Variants in EML3 observed in about 807,000 individuals in gnomAD.
EML3 encodes the protein echinoderm microtubule-associated protein-like 3.
In EML3, 53 loss-of-function variants were observed where a neutral mutation model predicts 106.7. The observed-to-expected ratio is 0.50, with a 90% CI of 0.40 to 0.62. EML3 has a LOEUF of 0.62. EML3 is among the 20% of genes least tolerant of loss of function. EML3 has a pLI of 0.00. For missense variants in EML3, 994 were observed against 1,209.1 expected, an observed-to-expected ratio of 0.82 and a Z score of 2.64; for synonymous variants, 499 against 489.6, an observed-to-expected ratio of 1.02 and a Z score of -0.25.
Position 62,602,681 on chromosome 11 carries a change from G to C in EML3, c.2488-3C>G. 1 of 1,597,840 alleles carries C rather than the reference G, an allele frequency of 6.3e-7. No individual in the cohort carries two copies. Among genetic ancestry groups the C allele is most frequent in the Non-Finnish European group, 8.5e-7 (1 of 1,175,044 alleles). ...CCCCCGTACATGCGGCTCGGCGCCT[G>C]GGCCGGAGGGAAGAGTTGCGGTGGC... On this transcript the variant is annotated splice_polypyrimidine_tract_variant and splice_region_variant and intron_variant, in intron 21 of 21. Transcript: ENST00000394773.
At chr11:62,610,321 T>G (rs1565065136) in intron 4 of EML3, among the ~76,000 whole-genome samples, 1 of 152,160 alleles carries the variant, frequency 6.6e-6, no homozygotes, top group African/African-American at 2.4e-5. Context: ...AGAATGAACA[T>G]CCGGGTGTCC....
At position 62,607,055 on chromosome 11, in the gene EML3, C is replaced by T. The variant is rs759882496; in HGVS notation, c.1407G>A (p.Pro469=). 5.6e-6 allele frequency: 9 copies of T among 1,613,982 alleles called. No individual in the cohort carries two copies. Among genetic ancestry groups the T allele is most frequent in the African/African-American group, 4.0e-5 (3 of 74,902 alleles). ...AGTCTCCAGTGAGAATGTCTCCATC[C>T]GGAAGGAACACAAAGCAAGGGATAA... ...PKFIPCFVFL[P]DGDILTGDSE... is the part of the protein sequence containing the mutation. Residue 469 remains proline, a synonymous_variant, in exon 12 of 22, where the codon CCG becomes CCA. Coordinates refer to ENST00000394773, the MANE Select transcript of EML3 (RefSeq NM_153265.3).
chr11:62,603,781 G>A lies in EML3; in HGVS notation c.2205C>T (p.Ser735=). 1 of 1,614,036 alleles carries A rather than the reference G, an allele frequency of 6.2e-7. No individual in the cohort carries two copies. Among genetic ancestry groups the A allele is most frequent in the Non-Finnish European group, 8.5e-7 (1 of 1,180,002 alleles). ...HSSFITHLDW[S]KDGNFIMSNS... ...TGGACATGATGAAATTCCCATCCTT[G>A]GACCAGTCAAGATGAGTGATGAAGC... Residue 735 remains serine (S), a synonymous_variant, in exon 19 of 22, where the codon TCC becomes TCT. Transcript: ENST00000394773.
Position 62,611,130 on chromosome 11 carries a change from G to T in EML3, c.409C>A (p.Pro137Thr). Residue 137 changes from proline to threonine, a missense_variant, in exon 3 of 22, where the codon CCG becomes ACG. Pro to Thr is a conservative substitution (Grantham distance 38). Around this residue, in one of 3 missense-constraint regions of EML3, gnomAD observed 269 missense variants for 265.1 expected, o/e 1.01. Coordinates refer to ENST00000394773, the MANE Select transcript of EML3 (RefSeq NM_153265.3). ...SSSGAGSPGP[P>T]GILRPLQPPQ... is the part of the protein sequence containing the mutation. Reference sequence around the variant, plus strand: ...GGCTGCAAGGGCCTGAGGATCCCCGGGGGGCCAGGGGAGCCAGCACCACTG... The same window carrying T: ...GGCTGCAAGGGCCTGAGGATCCCCGTGGGGCCAGGGGAGCCAGCACCACTG... 1 of 1,598,122 alleles carries T rather than the reference G, an allele frequency of 6.3e-7. No individual in the cohort carries two copies. The highest frequency in any genetic ancestry group is 8.5e-7 in the Non-Finnish European group (1 of 1,177,800).
chr11:62,606,726 G>A (rs1399083712), intron 12 of EML3, among the ~76,000 whole-genome samples: 7 of 152,184 alleles, frequency 4.6e-5, no homozygotes, highest in Non-Finnish European at 7.4e-5. Flanking sequence ...GCGTGGTGGC[G>A]TGTGCCTGTA....
At position 62,611,331 on chromosome 11, in the gene EML3, G is replaced by T; in HGVS notation, c.208C>A (p.Pro70Thr). The change falls in exon 3 of 22, where the codon CCA becomes ACA. Residue 70 changes from proline (P) to threonine (T), a missense_variant. Pro to Thr is a conservative substitution (Grantham distance 38). Coordinates refer to ENST00000394773, the MANE Select transcript of EML3 (RefSeq NM_153265.3). ...GGGGTGCACGTGGGTGGCAGTCCTG[G>T]GGGGGCTGCAAGACTGCTGGAGAGA... Reference protein sequence around the residue: ...APPGDSLAAPPGLPPTCTPSL... With the variant: ...APPGDSLAAPTGLPPTCTPSL... 1 of 1,612,864 alleles carries T rather than the reference G, an allele frequency of 6.2e-7. No homozygotes were observed. Among genetic ancestry groups the T allele is most frequent in the Non-Finnish European group, 8.5e-7 (1 of 1,179,706 alleles).
chr11:62,607,294 G>C, intron 11 of EML3, 195 bp from the exon 12 acceptor site: 1 of 579,862 alleles, frequency 1.7e-6, no homozygotes, highest in Admixed American at 3.4e-5. Context: ...ACTCCAGCCT[G>C]GGTGATAGAG....
rs775173043 is a variant in EML3 at position 62,605,207 on chromosome 11, AGAT to A, written c.1915-30_1915-28del. ...TGGGAGAGGGGAGAAGGTGAATTCA[AGAT>A]GATGTCTTTCTAGTGAGGGAACCAG... On this transcript the variant is annotated intron_variant, in intron 15 of 21. Coordinates refer to ENST00000394773, the MANE Select transcript of EML3 (RefSeq NM_153265.3). This position sits in a 1 kb window ranked among gnomAD's most constrained non-coding sequence, Gnocchi z 5.2. 1 of 1,607,306 alleles carries A rather than the reference AGAT, an allele frequency of 6.2e-7. No homozygotes were observed. The highest frequency in any genetic ancestry group is 1.3e-5 in the African/African-American group (1 of 74,732).
Position 62,612,764 on chromosome 11 carries a change from C to T in EML3, c.-307G>A. On this transcript the variant is annotated 5_prime_UTR_variant, in exon 1 of 22. Coordinates refer to ENST00000394773, the MANE Select transcript of EML3 (RefSeq NM_153265.3). ...GCACAAACAGGCGCCGGACGCGGAG[C>T]CGCCAGGAAGCGCGGGAGGGGGGGC... 3.1e-6 allele frequency: 1 copy of T among 325,366 alleles called. No individual in the cohort carries two copies. The highest frequency in any genetic ancestry group is 5.5e-6 in the Non-Finnish European group (1 of 180,352). 20.2% of individuals were successfully genotyped at this position (325,366 alleles called of 1,614,324 possible).
chr11:62,612,247 G>C (rs1416359373), intron 1 of EML3, 189 bp downstream of exon 1: 1 of 549,256 alleles, frequency 1.8e-6, no homozygotes, highest in Non-Finnish European at 3.1e-6. Flanking sequence ...ATGACGCTGG[G>C]GAAGCCCGAA....
At chr11:62,607,889 A>T (rs1942615719) in intron 10 of EML3, 68 bp from the exon 11 acceptor site, 1 of 1,551,316 alleles carries the variant, frequency 6.4e-7, no homozygotes, top group Non-Finnish European at 8.8e-7. Flanking sequence ...GACTCTCCTC[A>T]ATTTGCATCA....
intron 3 of EML3, 40 bp from the exon 4 acceptor site, chr11:62,611,032 C>T (rs757792877): frequency 1.1e-5 from 18 of 1,607,744 alleles, no homozygotes; most frequent in Non-Finnish European, 1.4e-5. Context: ...TCCAACTGTA[C>T]TCTGCAATCC....
chr11:62,608,075 TAGG>T (rs1942622997), intron 10 of EML3, 123 bp downstream of exon 10: 3 of 960,838 alleles, frequency 3.1e-6, no homozygotes, highest in Non-Finnish European at 4.9e-6. Context: ...TCAGAGAAGC[TAGG>T]AGATTTGCCC....
rs1338919152 is a variant in EML3, at chr11:62,605,702, G to A, written c.1854C>T (p.Asp618=). Reference sequence around the variant, plus strand: ...CCCCATCCCACAGGCAGAGCTGCCGGTCGTGGCCGCAGGTGAGGAAGCGGT... The same window carrying A: ...CCCCATCCCACAGGCAGAGCTGCCGATCGTGGCCGCAGGTGAGGAAGCGGT... ...SQNRFLTCGH[D]RQLCLWDGES... The change falls in exon 15 of 22, where the codon GAC becomes GAT. Residue 618 remains aspartate, a synonymous_variant. Transcript: ENST00000394773. The surrounding 1 kb of genome is among the most constrained non-coding windows in gnomAD (Gnocchi z 5.2). 6.3e-7 allele frequency: 1 copy of A among 1,599,032 alleles called. No homozygotes were observed. Among genetic ancestry groups the A allele is most frequent in the East Asian group, 2.2e-5 (1 of 44,810 alleles).
At position 62,605,630 on chromosome 11, in the gene EML3, A is replaced by T. The variant is rs761218582; in HGVS notation, c.1914+12T>A. ...GGTGTGGCATGGGGGATCCAGGGGC[A>T]CAGGGCTCTACCTTGAGGTCGATGC... On this transcript the variant is annotated intron_variant, in intron 15 of 21. Transcript: ENST00000394773. This position sits in a 1 kb window ranked among gnomAD's most constrained non-coding sequence, Gnocchi z 5.2. The T allele has an allele frequency of 4.6e-6, 7 of 1,521,078 alleles. No individual in the cohort carries two copies. The highest frequency in any genetic ancestry group is 6.2e-6 in the Non-Finnish European group (7 of 1,133,816). 94.2% of individuals were successfully genotyped at this position (1,521,078 alleles called of 1,614,324 possible). A position where few individuals can be genotyped will look rare whatever the true frequency, so the allele number is the denominator to read the frequency against.
At chr11:62,603,625 A>T (rs1942360005) in intron 19 of EML3, 104 bp downstream of exon 19, 4 of 950,452 alleles carry the variant, frequency 4.2e-6, no homozygotes, top group South Asian at 1.6e-5. Context: ...ACTCCACTTT[A>T]ACCCCATCTC....
Position 62,609,311 on chromosome 11 carries a change from GGTGA to G in EML3, c.758+39_758+42del. 6 of 1,537,874 alleles carry G rather than the reference GGTGA, an allele frequency of 3.9e-6. No homozygotes were observed. In the South Asian group the frequency reaches 7.6e-5, roughly 20 times the overall value. ...ACTGTAAAGGTAAGAGGGGTCCCAA[GGTGA>G]GAAAGGTGGTTCTCATGGGACTGGA... On this transcript the variant is annotated intron_variant, in intron 6 of 21. Coordinates refer to ENST00000394773, the MANE Select transcript of EML3 (RefSeq NM_153265.3).
At chr11:62,607,558 T>A (rs1184495994) in intron 11 of EML3, 108 bp downstream of exon 11, 1 of 1,239,404 alleles carries the variant, frequency 8.1e-7, no homozygotes, top group Non-Finnish European at 1.1e-6. Flanking sequence ...AAAAAAAAGG[T>A]CACAGGGGCA....
At position 62,603,166 on chromosome 11, in the gene EML3, A is replaced by G; in HGVS notation, c.2339T>C (p.Leu780Pro). 6.2e-7 allele frequency: 1 copy of G among 1,614,080 alleles called. No homozygotes were observed. Among genetic ancestry groups the G allele is most frequent in the Non-Finnish European group, 8.5e-7 (1 of 1,180,008 alleles). ...CTGCTCACCGTAGACGTGAAAGCCC[A>G]GCACACAGGTGTAGGTAGCCCATTC... ...DREWATYTCV[L>P]GFHVYGVWPD... The change falls in exon 20 of 22, where the codon CTG becomes CCG. Residue 780 changes from leucine to proline, a missense_variant. This residue lies in a region of EML3 where 713 missense variants were observed against 920.5 expected (regional missense o/e 0.77). Transcript: ENST00000394773.
Sources: gnomAD v4.1 joint callset for allele counts (sites outside exome capture counted in the v4.1 genomes callset) on GRCh38, gnomAD v4.1.1 for gene constraint, gnomAD v4.1.1 regional missense constraint, Gnocchi (gnomAD v3.1) non-coding constraint, MANE v1.5 for transcripts, NCBI Gene and HGNC (gene_info 2026-07-23, HGNC 2026-07-21) for gene names.